Variants in ITGBL1 observed in about 807,000 individuals in gnomAD.
ITGBL1 encodes the protein integrin subunit beta like 1.
Under a neutral mutation model 68.5 loss-of-function variants are expected in ITGBL1, and 51 were observed. The ratio of observed to expected loss-of-function variants is 0.74; its 90% CI spans 0.59 to 0.94. The LOEUF (loss-of-function observed/expected upper bound fraction) is 0.94. Ranked by LOEUF, ITGBL1 falls within the 40% of genes least tolerant of loss-of-function variation. The probability of loss-of-function intolerance (pLI) is 0.00; values close to 1 mark genes in which losing one functional copy is unlikely to be tolerated. For synonymous variants in ITGBL1, 209 were observed against 227.3 expected (o/e 0.92, Z 0.72); for missense variants, 649 against 647.4 (o/e 1.00, Z -0.03).
In ITGBL1 at chr13:101,627,859, C is replaced by T. The variant is rs114020515; in HGVS notation, c.1015+29560C>T. On this transcript the variant is annotated intron_variant, in intron 7 of 10. Transcript: ENST00000376180. ...ATTTAACCATTCACCTACTGAAGGA[C>T]GTCTTGGTTGCTTCCAAGTTTCGGC... 6.5e-3 allele frequency among the ~76,000 whole-genome samples: 997 copies of T among 152,296 alleles called. 12 individuals are homozygous for T. The highest frequency in any genetic ancestry group is 0.022 in the African/African-American group (934 of 41,550).
intron 7 of ITGBL1, among the ~76,000 whole-genome samples, chr13:101,601,271 T>C (rs1421061049): frequency 6.6e-6 from 1 of 152,096 alleles, no homozygotes; most frequent in South Asian, 2.1e-4. Flanking sequence ...TCTGTGGGAT[T>C]GGTGGTGATA....
chr13:101,649,930 A>G (rs1237200997), intron 7 of ITGBL1, among the ~76,000 whole-genome samples: 1 of 152,180 alleles, frequency 6.6e-6, no homozygotes, highest in Non-Finnish European at 1.5e-5. Flanking sequence ...TCTGTGATCT[A>G]GTTACATTTC....
At position 101,458,180 on chromosome 13, in the gene ITGBL1, A is replaced by G. The variant is rs1435640744; in HGVS notation, c.316+4080A>G. Among the ~76,000 whole-genome samples the G allele has an allele frequency of 3.3e-5, 5 of 152,242 alleles. No individual in the cohort carries two copies. In the East Asian group the frequency reaches 9.6e-4, roughly 29 times the overall value. On this transcript the variant is annotated intron_variant, in intron 2 of 10. Coordinates refer to ENST00000376180, the MANE Select transcript of ITGBL1 (RefSeq NM_004791.3). ...TATCTATAATGTAATGCAAAATATCATCTGTACAAATTTTTATGAGGGCTC... is the reference window on the plus strand; with the variant it reads ...TATCTATAATGTAATGCAAAATATCGTCTGTACAAATTTTTATGAGGGCTC...
intron 2 of ITGBL1, among the ~76,000 whole-genome samples, chr13:101,503,048 G>C (rs984997936): frequency 6.6e-6 from 1 of 152,128 alleles, no homozygotes; most frequent in African/African-American, 2.4e-5. Context: ...ATAGTGGTTT[G>C]TTCAAACTCA....
rs541437595 is a variant in ITGBL1, at chr13:101,706,913, C to A, written c.1279+11C>A. The A allele has an allele frequency of 6.2e-7, 1 of 1,611,428 alleles. No individual in the cohort carries two copies. The highest frequency in any genetic ancestry group is 1.7e-5 in the Admixed American group (1 of 59,922). On this transcript the variant is annotated intron_variant, in intron 9 of 10. Coordinates refer to ENST00000376180, the MANE Select transcript of ITGBL1 (RefSeq NM_004791.3). ...TGTGCTCGGGGAAGGGTGAGTATCT[C>A]TGCTGGTGCCTGGACTCCATTCCTG...
chr13:101,704,484 T>TAAAAAAAAAAAAAAAAAAAA, intron 8 of ITGBL1, among the ~76,000 whole-genome samples: 1 of 105,366 alleles, frequency 9.5e-6, no homozygotes, highest in Non-Finnish European at 1.8e-5. Flanking sequence ...ATTCATTCAG[T>TAAAAAAAAAAAAAAAAAAAA]AAAAAAAAAA....
intron 2 of ITGBL1, among the ~76,000 whole-genome samples, chr13:101,543,463 C>A (rs9557692): frequency 6.6e-6 from 1 of 151,424 alleles, no homozygotes; most frequent in Non-Finnish European, 1.5e-5. Context: ...GTGGGTAACC[C>A]TACCTTTCTC....
chr13:101,631,621 T>C (rs1490164242), intron 7 of ITGBL1, among the ~76,000 whole-genome samples: 1 of 152,162 alleles, frequency 6.6e-6, no homozygotes, highest in Non-Finnish European at 1.5e-5. Context: ...TGTGAAGTCA[T>C]GTTTTTGCCT....
At chr13:101,605,547 C>A (rs964710029) in intron 7 of ITGBL1, among the ~76,000 whole-genome samples, 1 of 147,374 alleles carries the variant, frequency 6.8e-6, no homozygotes, top group Non-Finnish European at 1.5e-5. Flanking sequence ...TATATATACA[C>A]GTATTTAGAC....
rs180710574 is a variant in ITGBL1, at chr13:101,514,705, C to T, written c.317-52994C>T. ...TCTGAATTTCAATTTCTTTGTTATCCCTCATATATGAAAGTTTAACCTTGA... is the reference window on the plus strand; with the variant it reads ...TCTGAATTTCAATTTCTTTGTTATCTCTCATATATGAAAGTTTAACCTTGA... On this transcript the variant is annotated intron_variant, in intron 2 of 10. Coordinates refer to ENST00000376180, the MANE Select transcript of ITGBL1 (RefSeq NM_004791.3). 5.4e-3 allele frequency among the ~76,000 whole-genome samples: 827 copies of T among 151,934 alleles called. 15 individuals carry two copies. Among genetic ancestry groups the T allele is most frequent in the Admixed American group, 0.029 (449 of 15,234 alleles).
At chr13:101,496,356 C>T (rs1399158484) in intron 2 of ITGBL1, among the ~76,000 whole-genome samples, 1 of 152,116 alleles carries the variant, frequency 6.6e-6, no homozygotes. Flanking sequence ...TCTTGTGTTT[C>T]AAATTCCCTC....
At chr13:101,637,705 C>T (rs1472500880) in intron 7 of ITGBL1, among the ~76,000 whole-genome samples, 1 of 152,124 alleles carries the variant, frequency 6.6e-6, no homozygotes, top group Non-Finnish European at 1.5e-5. Context: ...AACAGAAATA[C>T]TACCATCACT....
chr13:101,563,116 A>G lies in ITGBL1; in HGVS notation c.317-4583A>G, dbSNP rs7334329. 8.5e-3 allele frequency among the ~76,000 whole-genome samples: 1,293 copies of G among 151,360 alleles called. 11 individuals carry two copies. Among genetic ancestry groups the G allele is most frequent in the Non-Finnish European group, 0.014 (924 of 67,574 alleles). On this transcript the variant is annotated intron_variant, in intron 2 of 10. Coordinates refer to ENST00000376180, the MANE Select transcript of ITGBL1 (RefSeq NM_004791.3). ...ATATTTAACTGAATGAAAATAAAAT[A>G]TAACATATCAAAAATTTGTGGATTG... is the stretch of plus-strand genomic sequence containing the variant.
intron 2 of ITGBL1, among the ~76,000 whole-genome samples, chr13:101,497,835 C>T (rs909587014): frequency 2.0e-5 from 3 of 151,686 alleles, no homozygotes; most frequent in African/African-American, 7.3e-5. Context: ...TTTGTCTCTT[C>T]TCAGTACAGT....
In ITGBL1 at chr13:101,697,551, G is replaced by A. The variant is rs183863684; in HGVS notation, c.1132+4850G>A. 1.9e-4 allele frequency among the ~76,000 whole-genome samples: 29 copies of A among 152,260 alleles called. No individual in the cohort carries two copies. The East Asian group carries it at 4.2e-3, about 22-fold the overall frequency. On this transcript the variant is annotated intron_variant, in intron 8 of 10. Coordinates refer to ENST00000376180, the MANE Select transcript of ITGBL1 (RefSeq NM_004791.3). ...GAATTAAGTGAGGCAGTGCCATATA[G>A]CAAGACGAATGGGAACCCTGTATTC... is the stretch of plus-strand genomic sequence containing the variant.
intron 7 of ITGBL1, among the ~76,000 whole-genome samples, chr13:101,608,383 T>A (rs1365335469): frequency 1.3e-5 from 2 of 151,892 alleles, no homozygotes; most frequent in Non-Finnish European, 2.9e-5. Flanking sequence ...TTTTTTTTTT[T>A]CTTTTTGACC....
intron 2 of ITGBL1, among the ~76,000 whole-genome samples, chr13:101,533,782 G>A (rs1361014929): frequency 6.6e-6 from 1 of 152,210 alleles, no homozygotes; most frequent in East Asian, 1.9e-4. Flanking sequence ...CTTGGCTAAG[G>A]CCTAACATTA....
chr13:101,602,364 CG>C (rs2030436341), intron 7 of ITGBL1, among the ~76,000 whole-genome samples: 1 of 151,940 alleles, frequency 6.6e-6, no homozygotes, highest in African/African-American at 2.4e-5. Context: ...TAGAAGAACA[CG>C]TGTTCCATTC....
intron 8 of ITGBL1, among the ~76,000 whole-genome samples, chr13:101,706,207 T>C (rs2034260328): frequency 6.6e-6 from 1 of 152,224 alleles, no homozygotes; most frequent in Non-Finnish European, 1.5e-5. Flanking sequence ...CTAATGTTAA[T>C]TTTTATGCAA....
Sources: allele counts gnomAD v4.1 joint callset (sites outside exome capture counted in the v4.1 genomes callset), GRCh38; gene constraint gnomAD v4.1.1; transcripts MANE v1.5; gene names NCBI Gene and HGNC (gene_info 2026-07-23, HGNC 2026-07-21).